Variants in CTNND2 observed in about 807,000 individuals in gnomAD.
CTNND2 encodes catenin delta 2.
In CTNND2, 22 loss-of-function variants were observed where a neutral mutation model predicts 144.4. The observed-to-expected ratio is 0.15, with a 90% CI of 0.11 to 0.22. The LOEUF (loss-of-function observed/expected upper bound fraction) is 0.22. Among genes scored for constraint, CTNND2 ranks in the 10% least tolerant of loss-of-function variants. The probability of loss-of-function intolerance (pLI) is 1.00; values close to 1 mark genes in which losing one functional copy is unlikely to be tolerated. For missense variants in CTNND2, 1,353 were observed against 1,618.8 expected, an observed-to-expected ratio of 0.84 and a Z score of 2.82; for synonymous variants, 751 against 695.6, an observed-to-expected ratio of 1.08 and a Z score of -1.25.
At chr5:11,194,338 G>A (rs1736639921) in intron 11 of CTNND2, among the ~76,000 whole-genome samples, 1 of 152,160 alleles carries the variant, frequency 6.6e-6, no homozygotes, top group Non-Finnish European at 1.5e-5. Flanking sequence ...CTTTCACCTA[G>A]GTTGAAAGAA....
chr5:11,188,901 A>G (rs1735955360), intron 11 of CTNND2, among the ~76,000 whole-genome samples: 1 of 152,170 alleles, frequency 6.6e-6, no homozygotes, highest in Non-Finnish European at 1.5e-5. Context: ...CTTCATTCTA[A>G]GTAGTAAATT....
At chr5:11,087,377 T>A (rs533052173) in intron 15 of CTNND2, among the ~76,000 whole-genome samples, 4 of 152,366 alleles carry the variant, frequency 2.6e-5, no homozygotes, top group African/African-American at 9.6e-5. Context: ...ACGGCATGGC[T>A]TTTGCTGTAT....
intron 9 of CTNND2, among the ~76,000 whole-genome samples, chr5:11,314,997 T>C (rs1456149995): frequency 2.0e-5 from 3 of 152,232 alleles, no homozygotes; most frequent in African/African-American, 7.2e-5. Context: ...ATTGTTTATT[T>C]AAAATTCAAT....
intron 10 of CTNND2, among the ~76,000 whole-genome samples, chr5:11,234,136 A>G (rs1450699162): frequency 1.3e-5 from 2 of 152,146 alleles, no homozygotes; most frequent in East Asian, 3.9e-4. Context: ...CAGCAAAATT[A>G]AAAAATAAAC....
intron 3 of CTNND2, among the ~76,000 whole-genome samples, chr5:11,493,445 T>C (rs1343644100): frequency 6.6e-6 from 1 of 152,236 alleles, no homozygotes; most frequent in Non-Finnish European, 1.5e-5. Context: ...GTGAAAATCA[T>C]TGATCCTGAA....
intron 21 of CTNND2, among the ~76,000 whole-genome samples, chr5:10,977,083 C>T (rs1298110917): frequency 6.6e-6 from 1 of 152,154 alleles, no homozygotes; most frequent in Non-Finnish European, 1.5e-5. Flanking sequence ...ATTTGAGAAC[C>T]ATTGGCACAG....
intron 8 of CTNND2, among the ~76,000 whole-genome samples, chr5:11,350,807 AGTAAT>A (rs1337982003): frequency 6.6e-6 from 1 of 152,256 alleles, no homozygotes; most frequent in East Asian, 1.9e-4. Flanking sequence ...ACCAACCATT[AGTAAT>A]GTAACAATGT....
At chr5:11,660,234 G>C (rs1037096413) in intron 2 of CTNND2, among the ~76,000 whole-genome samples, 1 of 152,052 alleles carries the variant, frequency 6.6e-6, no homozygotes, top group African/African-American at 2.4e-5. Flanking sequence ...AAAAGGATGG[G>C]GGAAGGAGAA....
chr5:11,544,097 A>G (rs183797485), intron 3 of CTNND2, among the ~76,000 whole-genome samples: 2 of 152,236 alleles, frequency 1.3e-5, no homozygotes, highest in African/African-American at 4.8e-5. Flanking sequence ...AGGGAAAAGC[A>G]TATGTAATAT....
At chr5:11,525,604 C>T (rs1183788902) in intron 3 of CTNND2, among the ~76,000 whole-genome samples, 2 of 152,160 alleles carry the variant, frequency 1.3e-5, no homozygotes, top group Non-Finnish European at 2.9e-5. Flanking sequence ...GTTCATTGTC[C>T]AACACCACAA....
intron 3 of CTNND2, among the ~76,000 whole-genome samples, chr5:11,489,865 C>T (rs189994856): frequency 5.9e-5 from 9 of 152,158 alleles, no homozygotes; most frequent in African/African-American, 1.9e-4. Context: ...TGAATGCGTA[C>T]GAGATCGTCT....
intron 9 of CTNND2, among the ~76,000 whole-genome samples, chr5:11,271,499 C>T (rs545210197): frequency 1.3e-5 from 2 of 152,110 alleles, no homozygotes; most frequent in South Asian, 4.2e-4. Context: ...CCTTTCTTCC[C>T]TTCCTCCAAA....
chr5:11,081,510 CT>C (rs1749569626), intron 16 of CTNND2, among the ~76,000 whole-genome samples: 1 of 152,180 alleles, frequency 6.6e-6, no homozygotes, highest in Non-Finnish European at 1.5e-5. Flanking sequence ...TTAAGCATCT[CT>C]AATTTAAAAA....
At chr5:11,808,214 C>T (rs1161159948) in intron 1 of CTNND2, among the ~76,000 whole-genome samples, 2 of 152,224 alleles carry the variant, frequency 1.3e-5, no homozygotes, top group African/African-American at 4.8e-5. Flanking sequence ...GACTTACAGT[C>T]ATTGGACCAT....
chr5:11,159,847 T>A, intron 11 of CTNND2, 88 bp from the exon 12 acceptor site: 1 of 1,071,684 alleles, frequency 9.3e-7, no homozygotes, highest in Non-Finnish European at 1.3e-6. Context: ...TTAACGGAAC[T>A]GGCAGGAAGG....
intron 18 of CTNND2, among the ~76,000 whole-genome samples, chr5:11,013,908 C>T (rs1741344569): frequency 6.6e-6 from 1 of 152,190 alleles, no homozygotes; most frequent in Non-Finnish European, 1.5e-5. Context: ...TCCCCTCTCT[C>T]ACCCTATGGG....
intron 3 of CTNND2, among the ~76,000 whole-genome samples, chr5:11,453,470 C>T (rs2149917254): frequency 6.6e-6 from 1 of 152,218 alleles, no homozygotes; most frequent in African/African-American, 2.4e-5. Context: ...TTCCATTTTC[C>T]CAAAATAATC....
intron 2 of CTNND2, among the ~76,000 whole-genome samples, chr5:11,662,205 GTATATATATA>G (rs775658249): frequency 6.5e-4 from 82 of 125,890 alleles, no homozygotes; most frequent in African/African-American, 1.7e-3. Context: ...GTGTATATAT[GTATATATATA>G]CATATATGTG....
intron 9 of CTNND2, among the ~76,000 whole-genome samples, chr5:11,252,552 A>T (rs904688389): frequency 1.3e-5 from 2 of 152,218 alleles, no homozygotes; most frequent in African/African-American, 4.8e-5. Context: ...GTTGCTAAGA[A>T]CTGCTCTTAT....
Sources: allele counts gnomAD v4.1 joint callset (sites outside exome capture counted in the v4.1 genomes callset), GRCh38; gene constraint gnomAD v4.1.1; transcripts MANE v1.5; gene names NCBI Gene and HGNC (gene_info 2026-07-23, HGNC 2026-07-21).